The following RASEF variants were observed in gnomAD, a reference collection of about 807,000 sequenced individuals.
The protein encoded by RASEF is RAS and EF-hand domain containing.
RASEF carries 68 observed loss-of-function variants against 90.1 expected under a neutral mutation model. That is an observed-to-expected ratio of 0.75 (90% confidence interval 0.62 to 0.92). The LOEUF (loss-of-function observed/expected upper bound fraction) is 0.92, where lower values mean the gene tolerates loss of function less well. RASEF is among the 40% of genes least tolerant of loss of function. The pLI, the probability that RASEF is intolerant of heterozygous loss-of-function variation, is 0.00. For synonymous variants in RASEF, 331 were observed against 345.2 expected (o/e 0.96, Z 0.46); for missense variants, 949 against 937.2 (o/e 1.01, Z -0.16).
intron 1 of RASEF, among the ~76,000 whole-genome samples, chr9:83,060,782 C>T (rs1830189001): frequency 6.6e-6 from 1 of 152,166 alleles, no homozygotes; most frequent in African/African-American, 2.4e-5. Flanking sequence ...AAATATTGTA[C>T]TTGTTAATCT....
At chr9:83,135,825 C>G in the RASEF span, among the ~76,000 whole-genome samples, 1 of 152,060 alleles carries the variant, frequency 6.6e-6, no homozygotes. Context: ...ATAATTTCTT[C>G]CAAGGATTTC....
intron 14 of RASEF, 107 bp from the exon 15 acceptor site, chr9:82,993,132 T>C: frequency 8.9e-7 from 1 of 1,128,738 alleles, no homozygotes; most frequent in South Asian, 1.6e-5. Context: ...GCCTCCTTTG[T>C]GCCAAATCCT....
the RASEF span, among the ~76,000 whole-genome samples, chr9:83,089,972 G>A: frequency 7.2e-5 from 11 of 152,126 alleles, no homozygotes; most frequent in Middle Eastern, 6.8e-3. Flanking sequence ...ATAGATAGAT[G>A]CATATGTTGG....
At chr9:83,153,942 AC>A in the RASEF span, among the ~76,000 whole-genome samples, 3 of 152,098 alleles carry the variant, frequency 2.0e-5, no homozygotes, top group African/African-American at 7.2e-5. Flanking sequence ...CATTTCCACC[AC>A]CCACTTGACA....
chr9:83,197,436 G>A, the RASEF span, among the ~76,000 whole-genome samples: 1 of 152,128 alleles, frequency 6.6e-6, no homozygotes, highest in African/African-American at 2.4e-5. Flanking sequence ...TTAGACCCTG[G>A]GGATACAGCA....
chr9:83,081,281 G>T, the RASEF span, among the ~76,000 whole-genome samples: 1 of 152,160 alleles, frequency 6.6e-6, no homozygotes, highest in Non-Finnish European at 1.5e-5. Flanking sequence ...ACTTGTGCAA[G>T]CATGAAATCA....
the RASEF span, among the ~76,000 whole-genome samples, chr9:83,175,476 A>G: frequency 6.6e-6 from 1 of 152,108 alleles, no homozygotes; most frequent in Non-Finnish European, 1.5e-5. Context: ...GTAGTGTATA[A>G]TCCTTTATAT....
chr9:83,193,519 T>G, the RASEF span, among the ~76,000 whole-genome samples: 1 of 152,162 alleles, frequency 6.6e-6, no homozygotes, highest in Non-Finnish European at 1.5e-5. Flanking sequence ...GTAAGCAGAA[T>G]TCAAATCCTC....
At chr9:83,211,962 A>G in the RASEF span, among the ~76,000 whole-genome samples, 1 of 152,216 alleles carries the variant, frequency 6.6e-6, no homozygotes, top group East Asian at 1.9e-4. Flanking sequence ...AATTAGTATC[A>G]CTGTATACTT....
intron 1 of RASEF, among the ~76,000 whole-genome samples, chr9:83,029,553 A>G (rs1374965778): frequency 2.3e-5 from 3 of 131,990 alleles, no homozygotes; most frequent in African/African-American, 9.3e-5. Flanking sequence ...CCACCACACC[A>G]AACTAATTTT....
At chr9:83,044,133 T>G (rs1829889131) in intron 1 of RASEF, among the ~76,000 whole-genome samples, 1 of 152,164 alleles carries the variant, frequency 6.6e-6, no homozygotes, top group South Asian at 2.1e-4. Context: ...TGGAAAAAAT[T>G]TCTTCCTGTT....
the RASEF span, among the ~76,000 whole-genome samples, chr9:83,120,752 C>T: frequency 6.5e-3 from 986 of 152,188 alleles, 18 homozygotes; most frequent in African/African-American, 0.023. Context: ...TTTGTTGATG[C>T]CATGGACAGT....
chr9:82,982,668 G>A lies in RASEF; in HGVS notation c.*9C>T, dbSNP rs1475644443. 2.0e-6 allele frequency: 3 copies of A among 1,481,198 alleles called. No individual in the cohort carries two copies. Among genetic ancestry groups the A allele is most frequent in the Non-Finnish European group, 2.8e-6 (3 of 1,058,898 alleles). The allele number at this position is 1,481,198 out of a possible 1,614,324, so 91.8% of individuals were successfully genotyped here. ...AATGAAGACTTCACAGGCCAAGGAT[G>A]TTTGGGATTTAGCCATTGCAACAAT... On this transcript the variant is annotated 3_prime_UTR_variant, in exon 17 of 17. Coordinates refer to ENST00000376447, the MANE Select transcript of RASEF (RefSeq NM_152573.4).
At chr9:83,139,863 C>A in the RASEF span, among the ~76,000 whole-genome samples, 1 of 152,070 alleles carries the variant, frequency 6.6e-6, no homozygotes, top group South Asian at 2.1e-4. Flanking sequence ...AGTATTTTAG[C>A]AAATACTAAA....
At chr9:83,155,994 T>C in the RASEF span, among the ~76,000 whole-genome samples, 3 of 152,206 alleles carry the variant, frequency 2.0e-5, no homozygotes, top group Admixed American at 6.5e-5. Flanking sequence ...GCCCTGGGAT[T>C]CCTTTACCCT....
intron 1 of RASEF, chr9:83,049,325 T>C: frequency 1.0e-6 from 1 of 985,332 alleles, no homozygotes; most frequent in East Asian, 1.1e-4. Context: ...CTGACGGGGA[T>C]GCAGTTTTCC....
the RASEF span, among the ~76,000 whole-genome samples, chr9:83,091,738 A>C: frequency 1.3e-5 from 2 of 151,984 alleles, no homozygotes; most frequent in Non-Finnish European, 2.9e-5. Flanking sequence ...TTTTAGCTCT[A>C]CTCAGTTTGA....
At chr9:83,196,314 G>C in the RASEF span, among the ~76,000 whole-genome samples, 93,050 of 151,950 alleles carry the variant, frequency 0.61, 28,683 homozygotes, top group East Asian at 0.79. Flanking sequence ...CCTTTGTTGA[G>C]TGGCTCTGCA....
At chr9:83,061,077 C>CT (rs1208303787) in intron 1 of RASEF, among the ~76,000 whole-genome samples, 1 of 152,108 alleles carries the variant, frequency 6.6e-6, no homozygotes, top group Non-Finnish European at 1.5e-5. Context: ...AAAATTCTTA[C>CT]TTTTTTTAAC....
Sources: gnomAD v4.1 joint callset for allele counts (sites outside exome capture counted in the v4.1 genomes callset) on GRCh38, gnomAD v4.1.1 for gene constraint, MANE v1.5 for transcripts, NCBI Gene and HGNC (gene_info 2026-07-23, HGNC 2026-07-21) for gene names.